The following LIMK2 variants were observed in gnomAD, a reference collection of about 807,000 sequenced individuals.
LIMK2 encodes LIM domain kinase 2.
In LIMK2, 35 loss-of-function variants were observed where a neutral mutation model predicts 75.7. That is an observed-to-expected ratio of 0.46 (90% CI 0.35 to 0.61). The LOEUF (loss-of-function observed/expected upper bound fraction) is 0.61, where lower values mean the gene tolerates loss of function less well. Ranked by LOEUF, LIMK2 falls within the 20% of genes least tolerant of loss-of-function variation. LIMK2 has a pLI of 0.00. For missense variants in LIMK2, 623 were observed against 831.0 expected (o/e 0.75, Z 3.08); for synonymous variants, 301 against 319.2 (o/e 0.94, Z 0.61).
chr22:31,256,373 C>T (rs1220041628), intron 2 of LIMK2, among the ~76,000 whole-genome samples: 2 of 151,560 alleles, frequency 1.3e-5, no homozygotes, highest in African/African-American at 4.9e-5. Context: ...CAGAGTCTGA[C>T]TCTGTCACCC....
intron 2 of LIMK2, among the ~76,000 whole-genome samples, chr22:31,237,707 C>G (rs1274824914): frequency 6.6e-6 from 1 of 152,102 alleles, no homozygotes; most frequent in Non-Finnish European, 1.5e-5. Context: ...TTATTAGTTA[C>G]TAGAGAGGCA....
chr22:31,274,143 T>C (rs988940774), intron 14 of LIMK2, among the ~76,000 whole-genome samples: 1 of 152,006 alleles, frequency 6.6e-6, no homozygotes, highest in Non-Finnish European at 1.5e-5. Context: ...TAGCTAGCTC[T>C]TGGGCCAAAT....
chr22:31,260,324 A>C (rs2048826265), intron 5 of LIMK2, among the ~76,000 whole-genome samples: 1 of 152,210 alleles, frequency 6.6e-6, no homozygotes, highest in Admixed American at 6.5e-5. Context: ...GTTTCAGGTC[A>C]TGTTTGCTCT....
At chr22:31,229,876 A>G (rs993803078) in intron 2 of LIMK2, among the ~76,000 whole-genome samples, 1 of 152,164 alleles carries the variant, frequency 6.6e-6, no homozygotes. Flanking sequence ...AGACTGTGCA[A>G]TGGAGGCCAG....
intron 2 of LIMK2, among the ~76,000 whole-genome samples, chr22:31,231,331 G>A (rs1273760897): frequency 6.6e-6 from 1 of 152,244 alleles, no homozygotes; most frequent in African/African-American, 2.4e-5. Flanking sequence ...TGTAGAGTCA[G>A]TGGAGCAACC....
rs1311412340 is a variant in LIMK2 at position 31,265,977 on chromosome 22, C to G, written c.886C>G (p.Pro296Ala). Residue 296 changes from proline to alanine, a missense_variant, in exon 8 of 16, where the codon CCC (proline) becomes GCC (alanine). Physicochemically the swap from Pro to Ala is conservative, Grantham distance 27. Around this residue, in one of 3 missense-constraint regions of LIMK2, gnomAD observed 514 missense variants for 661.3 expected, o/e 0.78. Transcript: ENST00000331728. ...RSNSISKSPGPSSPKEPLLFS... is the reference protein window; with the variant it reads ...RSNSISKSPGASSPKEPLLFS... ...TAACAGTATCTCCAAGTCCCCTGGC[C>G]CCAGCTCCCCAAAGGAGCCCCTGCT... The G allele has an allele frequency of 1.9e-6, 3 of 1,614,050 alleles. No individual in the cohort carries two copies. Among genetic ancestry groups the G allele is most frequent in the Non-Finnish European group, 1.7e-6 (2 of 1,180,036 alleles).
At chr22:31,271,574 C>G (rs2048956953) in intron 12 of LIMK2, among the ~76,000 whole-genome samples, 1 of 152,168 alleles carries the variant, frequency 6.6e-6, no homozygotes, top group South Asian at 2.1e-4. Context: ...CCTGAGGCCA[C>G]CGAGCTAGTA....
Position 31,279,621 on chromosome 22 carries a change from C to G in LIMK2, c.*1180C>G, listed in dbSNP as rs1391430885. The G allele has an allele frequency of 6.6e-6, 1 of 152,212 alleles. No individual in the cohort carries two copies. The highest frequency in any genetic ancestry group is 1.5e-5 in the Non-Finnish European group (1 of 68,048). 9.4% of individuals were successfully genotyped at this position (152,212 alleles called of 1,614,324 possible). A position where few individuals can be genotyped will look rare whatever the true frequency, so the allele number is the denominator to read the frequency against. ...CACATGTGCAGGTACTGGAAAACCT[C>G]CATCTTGGCTCCCAGAGCTCTAGGA... On this transcript the variant is annotated 3_prime_UTR_variant, in exon 16 of 16. Transcript: ENST00000331728.
At chr22:31,272,396 G>C (rs1023286373) in intron 12 of LIMK2, 134 bp from the exon 13 acceptor site, 9 of 834,110 alleles carry the variant, frequency 1.1e-5, no homozygotes, top group Non-Finnish European at 1.6e-5. Context: ...ATTTGATAGA[G>C]CTTTCTGCTC....
At chr22:31,260,605 A>C (rs1296250344) in intron 5 of LIMK2, among the ~76,000 whole-genome samples, 2 of 152,206 alleles carry the variant, frequency 1.3e-5, no homozygotes, top group African/African-American at 4.8e-5. Context: ...GTGTCTATCT[A>C]ATACCAGTAA....
chr22:31,278,602 G>A lies in LIMK2; in HGVS notation c.*161G>A, dbSNP rs1416790837. ...TTACCTCCCCAGGAGGCAAGTGGGCGCAGCACCAGGGAAATGTATCTCCAC... is the reference window on the plus strand; with the variant it reads ...TTACCTCCCCAGGAGGCAAGTGGGCACAGCACCAGGGAAATGTATCTCCAC... On this transcript the variant is annotated 3_prime_UTR_variant, in exon 16 of 16. Coordinates refer to ENST00000331728, the MANE Select transcript of LIMK2 (RefSeq NM_005569.4). The A allele has an allele frequency of 1.8e-5, 11 of 602,432 alleles. No individual in the cohort carries two copies. Among genetic ancestry groups the A allele is most frequent in the South Asian group, 5.8e-5 (2 of 34,234 alleles). The allele number at this position is 602,432 out of a possible 1,614,324, so 37.3% of individuals were successfully genotyped here. A position where few individuals can be genotyped will look rare whatever the true frequency, so the allele number is the denominator to read the frequency against.
In LIMK2 at chr22:31,278,525, C is replaced by T. The variant is rs942481833; in HGVS notation, c.*84C>T. The stretch of plus-strand genomic sequence containing the variant: ...CATTCCTGCTGTGAGCAGGGCCGTC[C>T]GGGCTTCCTGTGGATTGGCGGAATG... On this transcript the variant is annotated 3_prime_UTR_variant, in exon 16 of 16. Transcript: ENST00000331728. 13 of 1,412,900 alleles carry T rather than the reference C, an allele frequency of 9.2e-6. 1 individual carries two copies. The highest frequency in any genetic ancestry group is 4.9e-5 in the Admixed American group (2 of 40,482). The allele number at this position is 1,412,900 out of a possible 1,614,324, so 87.5% of individuals were successfully genotyped here.
chr22:31,233,608 AC>A, intron 2 of LIMK2, among the ~76,000 whole-genome samples: 1 of 152,258 alleles, frequency 6.6e-6, no homozygotes. Context: ...TGAGTTCTAG[AC>A]CCATATGTTG....
In LIMK2 at chr22:31,212,316, C is replaced by T. The variant is rs976782351; in HGVS notation, c.-93C>T. The T allele has an allele frequency of 3.2e-6, 4 of 1,244,382 alleles. No homozygotes were observed. Among genetic ancestry groups the T allele is most frequent in the South Asian group, 3.4e-5 (1 of 29,096 alleles). The allele number at this position is 1,244,382 out of a possible 1,614,324, so 77.1% of individuals were successfully genotyped here. On this transcript the variant is annotated 5_prime_UTR_variant, in exon 1 of 16. Coordinates refer to ENST00000331728, the MANE Select transcript of LIMK2 (RefSeq NM_005569.4). ...GGCTGTGGTCTTCCCGCGCCTGAGGCGGCGGCGGCAGGAGCTGAGGGGAGT... is the reference window on the plus strand; with the variant it reads ...GGCTGTGGTCTTCCCGCGCCTGAGGTGGCGGCGGCAGGAGCTGAGGGGAGT...
chr22:31,228,049 T>TGTGTGA (rs1555885273), intron 2 of LIMK2, among the ~76,000 whole-genome samples: 8 of 147,566 alleles, frequency 5.4e-5, no homozygotes, highest in Non-Finnish European at 7.4e-5. Flanking sequence ...TGTGTGTGTG[T>TGTGTGA]GAGATAGAGA....
At chr22:31,276,535 G>A (rs1278563020) in intron 15 of LIMK2, among the ~76,000 whole-genome samples, 1 of 146,838 alleles carries the variant, frequency 6.8e-6, no homozygotes, top group South Asian at 2.1e-4. Flanking sequence ...GACCAGGCCA[G>A]GCCCGGGGGC....
At chr22:31,228,049 T>TGTGTGTGTGA (rs1555885273) in intron 2 of LIMK2, among the ~76,000 whole-genome samples, 3 of 147,566 alleles carry the variant, frequency 2.0e-5, no homozygotes, top group African/African-American at 7.8e-5. Flanking sequence ...TGTGTGTGTG[T>TGTGTGTGTGA]GAGATAGAGA....
intron 3 of LIMK2, 78 bp downstream of exon 3, chr22:31,258,504 T>C: frequency 6.8e-7 from 1 of 1,477,004 alleles, no homozygotes; most frequent in Non-Finnish European, 9.3e-7. Flanking sequence ...TGTGGCCTGT[T>C]AATCTTTTAG....
intron 2 of LIMK2, among the ~76,000 whole-genome samples, chr22:31,249,930 A>G (rs2048708807): frequency 6.6e-6 from 1 of 152,172 alleles, no homozygotes; most frequent in South Asian, 2.1e-4. Context: ...AAGAGATTAT[A>G]TATCCCCATT....
Sources: gnomAD v4.1 joint callset for allele counts (sites outside exome capture counted in the v4.1 genomes callset) on GRCh38, gnomAD v4.1.1 for gene constraint, gnomAD v4.1.1 regional missense constraint, MANE v1.5 for transcripts, NCBI Gene and HGNC (gene_info 2026-07-23, HGNC 2026-07-21) for gene names.